The following CSMD3 variants were observed in gnomAD, a reference collection of about 807,000 sequenced individuals.
CSMD3 encodes the protein CUB and sushi domain-containing protein 3.
Under a neutral mutation model 435.2 loss-of-function variants are expected in CSMD3, and 177 were observed. The observed-to-expected ratio is 0.41, with a 90% confidence interval of 0.36 to 0.46. The LOEUF is 0.46. CSMD3 is among the 20% of genes least tolerant of loss of function. CSMD3 has a pLI of 0.34. For synonymous variants in CSMD3, 1,656 were observed against 1,520.5 expected, an observed-to-expected ratio of 1.09 and a Z score of -2.07; for missense variants, 4,265 against 4,504.6, an observed-to-expected ratio of 0.95 and a Z score of 1.52.
chr8:112,656,168 T>G lies in CSMD3; in HGVS notation c.2990A>C (p.Lys997Thr). The G allele has an allele frequency of 6.4e-7, 1 of 1,551,620 alleles. No individual in the cohort carries two copies. The highest frequency in any genetic ancestry group is 1.1e-5 in the South Asian group (1 of 89,362). ...TDNSRSNNGF[K>T]IHYESVTVNT... is the part of the protein sequence containing the mutation. ...TCATTACTTACTTTCATAATGAATC[T>G]TGAAACCATTATTGGAACGACTGTT... The change falls in exon 18 of 71, where the codon AAG becomes ACG. Residue 997 changes from lysine (K) to threonine (T), a missense_variant. Lys to Thr is a moderately conservative substitution (Grantham distance 78, BLOSUM62 -1). Transcript: ENST00000297405.
chr8:112,921,110 A>G (rs2082731750), intron 10 of CSMD3, among the ~76,000 whole-genome samples: 1 of 151,560 alleles, frequency 6.6e-6, no homozygotes, highest in Admixed American at 6.6e-5. Flanking sequence ...ACACATGCAG[A>G]TAATATAAGA....
intron 4 of CSMD3, among the ~76,000 whole-genome samples, chr8:113,142,763 C>T (rs1016691465): frequency 1.7e-4 from 25 of 150,676 alleles, no homozygotes; most frequent in African/African-American, 5.1e-4. Flanking sequence ...TCATTTATAA[C>T]GCAAAGAAAG....
intron 60 of CSMD3, among the ~76,000 whole-genome samples, chr8:112,264,772 T>C (rs1304336908): frequency 6.6e-6 from 1 of 152,090 alleles, no homozygotes; most frequent in Non-Finnish European, 1.5e-5. Context: ...ATCTTAAATA[T>C]TAAAAATCTA....
At chr8:112,854,533 T>G (rs1000686769) in intron 11 of CSMD3, among the ~76,000 whole-genome samples, 1 of 152,182 alleles carries the variant, frequency 6.6e-6, no homozygotes, top group Non-Finnish European at 1.5e-5. Flanking sequence ...AGAGACCGTC[T>G]ATGGTGAACC....
At chr8:113,335,560 T>TTTTC (rs1373493073) in intron 1 of CSMD3, among the ~76,000 whole-genome samples, 2 of 146,792 alleles carry the variant, frequency 1.4e-5, no homozygotes, top group African/African-American at 5.0e-5. Flanking sequence ...TTTTTTTTTT[T>TTTTC]TTGGGTATTT....
chr8:113,194,458 G>T (rs1183298551), intron 3 of CSMD3, among the ~76,000 whole-genome samples: 2 of 151,208 alleles, frequency 1.3e-5, no homozygotes, highest in Admixed American at 6.6e-5. Flanking sequence ...TATTTTATAG[G>T]AAACTATGAT....
chr8:112,833,667 A>G (rs2079941350), intron 11 of CSMD3, among the ~76,000 whole-genome samples: 1 of 151,288 alleles, frequency 6.6e-6, no homozygotes, highest in Admixed American at 6.6e-5. Flanking sequence ...TTAAGAGGGA[A>G]TGCTTCCAAT....
At chr8:113,050,673 T>C (rs1179266359) in intron 5 of CSMD3, among the ~76,000 whole-genome samples, 1 of 152,070 alleles carries the variant, frequency 6.6e-6, no homozygotes, top group African/African-American at 2.4e-5. Flanking sequence ...ATTTTAAGCA[T>C]AGAGAATCTG....
chr8:112,290,688 T>C (rs1212966520), intron 56 of CSMD3, among the ~76,000 whole-genome samples: 4 of 152,014 alleles, frequency 2.6e-5, no homozygotes, highest in African/African-American at 9.7e-5. Flanking sequence ...TATTTAGCAA[T>C]TTAATAAAAC....
At chr8:112,881,298 T>C (rs2081441844) in intron 10 of CSMD3, among the ~76,000 whole-genome samples, 2 of 152,072 alleles carry the variant, frequency 1.3e-5, no homozygotes, top group Non-Finnish European at 1.5e-5. Context: ...TATTAGAAAG[T>C]ACTGTTTTTT....
intron 13 of CSMD3, 131 bp from the exon 14 acceptor site, chr8:112,690,181 CTTT>C: frequency 1.9e-6 from 1 of 531,490 alleles, no homozygotes. Flanking sequence ...ATTCTCCAAT[CTTT>C]TTTTTTTTGG....
At chr8:112,273,416 T>C (rs1021638580) in intron 59 of CSMD3, among the ~76,000 whole-genome samples, 3 of 152,168 alleles carry the variant, frequency 2.0e-5, no homozygotes, top group Admixed American at 6.6e-5. Context: ...CATACAGTTG[T>C]AGGCCCTATC....
At chr8:113,181,514 G>T (rs1199552094) in intron 3 of CSMD3, among the ~76,000 whole-genome samples, 1 of 152,002 alleles carries the variant, frequency 6.6e-6, no homozygotes, top group African/African-American at 2.4e-5. Flanking sequence ...TGAATAAGAG[G>T]TAATGCCCAT....
chr8:112,974,004 T>C (rs2084756145), intron 7 of CSMD3, among the ~76,000 whole-genome samples: 1 of 151,890 alleles, frequency 6.6e-6, no homozygotes, highest in African/African-American at 2.4e-5. Context: ...ACTGAATGCA[T>C]ATTAAATTCA....
chr8:113,304,046 T>G (rs950400906), intron 2 of CSMD3, among the ~76,000 whole-genome samples: 13 of 138,638 alleles, frequency 9.4e-5, no homozygotes, highest in African/African-American at 2.8e-4. Context: ...GAATCTACAA[T>G]GAACTCAAAC....
intron 5 of CSMD3, among the ~76,000 whole-genome samples, chr8:113,053,941 T>C (rs945220738): frequency 4.6e-5 from 7 of 152,180 alleles, no homozygotes; most frequent in Admixed American, 3.3e-4. Flanking sequence ...CCAGCAAAAC[T>C]GTGTATCTAT....
Position 113,048,155 on chromosome 8 carries a change from C to G in CSMD3, c.918-28976G>C, listed in dbSNP as rs531674965. Among the ~76,000 whole-genome samples, 3 of 147,032 alleles carry G rather than the reference C, an allele frequency of 2.0e-5. No homozygotes were observed. In the East Asian group the frequency reaches 6.1e-4, roughly 30 times the overall value. On this transcript the variant is annotated intron_variant, in intron 5 of 70. Coordinates refer to ENST00000297405, the MANE Select transcript of CSMD3 (RefSeq NM_198123.2). ...TCGCCCAGGCTGGAGTGCAGTGGCGCGATCTCGGCTCACTGCAAGCTCCGC... is the reference window on the plus strand; with the variant it reads ...TCGCCCAGGCTGGAGTGCAGTGGCGGGATCTCGGCTCACTGCAAGCTCCGC...
intron 31 of CSMD3, 129 bp from the exon 32 acceptor site, chr8:112,472,836 A>G (rs1423046497): frequency 3.1e-6 from 2 of 654,050 alleles, no homozygotes; most frequent in African/African-American, 1.8e-5. Flanking sequence ...TGCATCTTAT[A>G]ATAAGATCCT....
chr8:113,223,136 T>C (rs2092988980), intron 3 of CSMD3, among the ~76,000 whole-genome samples: 1 of 150,730 alleles, frequency 6.6e-6, no homozygotes, highest in East Asian at 1.9e-4. Context: ...TATAACTCCA[T>C]ATTAATTAAT....
Sources: gnomAD v4.1 joint callset for allele counts (sites outside exome capture counted in the v4.1 genomes callset) on GRCh38, gnomAD v4.1.1 for gene constraint, MANE v1.5 for transcripts, NCBI Gene and HGNC (gene_info 2026-07-23, HGNC 2026-07-21) for gene names.